The following KCNAB1 variants were observed in gnomAD, a reference collection of about 807,000 sequenced individuals.
The protein encoded by KCNAB1 is voltage-gated potassium channel subunit beta-1.
KCNAB1 carries 35 observed loss-of-function variants against 64.6 expected under a neutral mutation model. That is an observed-to-expected ratio of 0.54 (90% CI 0.41 to 0.72). The LOEUF is 0.72. KCNAB1 is among the 30% of genes least tolerant of loss of function. The pLI, the probability that KCNAB1 is intolerant of heterozygous loss-of-function variation, is 0.00. For synonymous variants in KCNAB1, 177 were observed against 183.8 expected (o/e 0.96, Z 0.30); for missense variants, 401 against 512.9 (o/e 0.78, Z 2.11).
intron 1 of KCNAB1, among the ~76,000 whole-genome samples, chr3:156,312,323 G>C (rs917517528): frequency 6.6e-6 from 1 of 152,150 alleles, no homozygotes; most frequent in African/African-American, 2.4e-5. Flanking sequence ...TGTTCCCAGA[G>C]GTTTTAAATA....
At chr3:156,338,303 C>CTTTTTTTTTTTTCTTTTTTT (rs1723861785) in intron 1 of KCNAB1, among the ~76,000 whole-genome samples, 1 of 39,488 alleles carries the variant, frequency 2.5e-5, no homozygotes. Context: ...GGCATTTGCA[C>CTTTTTTTTTTTTCTTTTTTT]TTTTTTTTTT....
chr3:156,257,089 A>G (rs1718141404), intron 1 of KCNAB1, among the ~76,000 whole-genome samples: 1 of 152,160 alleles, frequency 6.6e-6, no homozygotes, highest in Admixed American at 6.5e-5. Flanking sequence ...GGACATTCCC[A>G]TTATACCTTG....
intron 2 of KCNAB1, among the ~76,000 whole-genome samples, chr3:156,432,292 C>T (rs544748410): frequency 4.6e-5 from 7 of 152,112 alleles, no homozygotes; most frequent in South Asian, 4.1e-4. Context: ...GCCTAATTGA[C>T]GAAATTTTCC....
At chr3:156,192,525 G>A (rs1713623018) in intron 1 of KCNAB1, among the ~76,000 whole-genome samples, 1 of 152,088 alleles carries the variant, frequency 6.6e-6, no homozygotes, top group African/African-American at 2.4e-5. Context: ...TGCTGTTCAA[G>A]TCTTTGATAT....
At chr3:156,455,359 T>G (rs181160349) in intron 3 of KCNAB1, among the ~76,000 whole-genome samples, 2 of 152,352 alleles carry the variant, frequency 1.3e-5, no homozygotes, top group Non-Finnish European at 2.9e-5. Context: ...TCCCCATCAC[T>G]GGGAGAGTTC....
chr3:156,284,641 G>T (rs930069809), intron 1 of KCNAB1, among the ~76,000 whole-genome samples: 2 of 152,150 alleles, frequency 1.3e-5, no homozygotes, highest in Non-Finnish European at 2.9e-5. Context: ...TAGGACCCTC[G>T]GAGCCAGGTG....
chr3:156,271,109 A>T (rs990043089), intron 1 of KCNAB1, among the ~76,000 whole-genome samples: 1 of 152,060 alleles, frequency 6.6e-6, no homozygotes, highest in Non-Finnish European at 1.5e-5. Context: ...TGCTTTTAGA[A>T]TTCTTTCTTT....
In KCNAB1 at chr3:156,523,910, G is replaced by A. The variant is rs765240219; in HGVS notation, c.1044G>A (p.Ala348=). ...AGCTAAAAGACCTTTCCCCAATTGC[G>A]GAGCGTCTGGGATGCACACTACCTC... ...QNKLKDLSPI[A]ERLGCTLPQL... The change falls in exon 12 of 14, where the codon GCG becomes GCA. Residue 348 remains alanine, a synonymous_variant. Transcript: ENST00000490337. 11 of 1,613,890 alleles carry A rather than the reference G, an allele frequency of 6.8e-6. No individual in the cohort carries two copies. In the South Asian group the frequency reaches 8.8e-5, roughly 13 times the overall value.
chr3:156,339,808 C>T (rs142565923), intron 1 of KCNAB1, among the ~76,000 whole-genome samples: 1 of 152,204 alleles, frequency 6.6e-6, no homozygotes, highest in African/African-American at 2.4e-5. Flanking sequence ...GGATAATGAC[C>T]CCACTCCTGG....
chr3:156,310,548 A>C (rs1270950523), intron 1 of KCNAB1, among the ~76,000 whole-genome samples: 1 of 152,184 alleles, frequency 6.6e-6, no homozygotes, highest in Non-Finnish European at 1.5e-5. Flanking sequence ...TTACGCCTGT[A>C]ATCCCAGCAC....
intron 1 of KCNAB1, among the ~76,000 whole-genome samples, chr3:156,301,126 A>G (rs1721128013): frequency 6.6e-6 from 1 of 152,232 alleles, no homozygotes; most frequent in African/African-American, 2.4e-5. Context: ...TTATGTAAGA[A>G]ATGCAAGATT....
chr3:156,473,738 T>C (rs568601474), intron 7 of KCNAB1, among the ~76,000 whole-genome samples: 1 of 152,308 alleles, frequency 6.6e-6, no homozygotes, highest in South Asian at 2.1e-4. Flanking sequence ...CAAATTTAAA[T>C]TTATAAGAGC....
intron 1 of KCNAB1, among the ~76,000 whole-genome samples, chr3:156,218,511 T>C (rs1715467087): frequency 6.6e-6 from 1 of 152,058 alleles, no homozygotes; most frequent in Non-Finnish European, 1.5e-5. Flanking sequence ...CTAGGGCAAA[T>C]TTGCATCATC....
intron 3 of KCNAB1, chr3:156,453,195 A>T: frequency 9.2e-6 from 3 of 326,258 alleles, no homozygotes; most frequent in East Asian, 9.4e-5. Context: ...TGGAATTAAC[A>T]TTAGTCACTT....
chr3:156,515,991 G>A (rs1717532633), intron 10 of KCNAB1, among the ~76,000 whole-genome samples: 2 of 150,688 alleles, frequency 1.3e-5, no homozygotes, highest in Admixed American at 1.3e-4. Context: ...AAATGGACAA[G>A]GACAACAAAA....
intron 2 of KCNAB1, among the ~76,000 whole-genome samples, chr3:156,448,881 C>T (rs1161942826): frequency 1.3e-5 from 2 of 152,058 alleles, no homozygotes; most frequent in African/African-American, 4.8e-5. Context: ...ACTTACTGAC[C>T]ATGTACTAAG....
intron 2 of KCNAB1, among the ~76,000 whole-genome samples, chr3:156,439,224 ATTTTTTTT>A (rs56259743): frequency 1.3e-3 from 152 of 115,086 alleles, no homozygotes; most frequent in South Asian, 0.013. Context: ...CATCATTGTG[ATTTTTTTT>A]TTTTTTTTTT....
chr3:156,175,671 C>T (rs73876126), intron 1 of KCNAB1, among the ~76,000 whole-genome samples: 6 of 152,246 alleles, frequency 3.9e-5, no homozygotes, highest in South Asian at 2.1e-4. Flanking sequence ...TTAGAGGCCA[C>T]GGGGAGCTTG....
chr3:156,450,856 T>A (rs1296473764), intron 2 of KCNAB1, among the ~76,000 whole-genome samples: 7 of 135,752 alleles, frequency 5.2e-5, no homozygotes, highest in Non-Finnish European at 7.4e-5. Flanking sequence ...ACACTTCCCA[T>A]CCACCCACCC....
Sources: gnomAD v4.1 joint callset for allele counts (sites outside exome capture counted in the v4.1 genomes callset) on GRCh38, gnomAD v4.1.1 for gene constraint, MANE v1.5 for transcripts, NCBI Gene and HGNC (gene_info 2026-07-23, HGNC 2026-07-21) for gene names.